The following SLC39A11 variants were observed in gnomAD, a reference collection of about 807,000 sequenced individuals.
SLC39A11 encodes solute carrier family 39 member 11.
In SLC39A11, 33 loss-of-function variants were observed where a neutral mutation model predicts 36.1. That is an observed-to-expected ratio of 0.91 (90% CI 0.69 to 1.22). The LOEUF is 1.22. Among genes scored for constraint, SLC39A11 ranks in the 50% most tolerant of loss-of-function variants. SLC39A11 has a pLI of 0.00. For synonymous variants in SLC39A11, 166 were observed against 170.3 expected (o/e 0.97, Z 0.20); for missense variants, 432 against 430.3 (o/e 1.00, Z -0.03).
At chr17:72,890,528 A>C (rs964733065) in intron 5 of SLC39A11, among the ~76,000 whole-genome samples, 1 of 152,122 alleles carries the variant, frequency 6.6e-6, no homozygotes, top group Non-Finnish European at 1.5e-5. Flanking sequence ...GTTCCATTCA[A>C]CTCTTCTGGG....
chr17:72,926,515 A>AT (rs149581126), intron 5 of SLC39A11, among the ~76,000 whole-genome samples: 15,273 of 152,054 alleles, frequency 0.1, 1,272 homozygotes, highest in African/African-American at 0.24. Context: ...GGGGGAAGAT[A>AT]TTTTTTCTGG....
At chr17:72,789,787 A>T (rs1300228550) in intron 6 of SLC39A11, among the ~76,000 whole-genome samples, 1 of 152,244 alleles carries the variant, frequency 6.6e-6, no homozygotes, top group Non-Finnish European at 1.5e-5. Context: ...CCAGGCCGAG[A>T]GTCAGGCCTT....
chr17:73,057,604 C>T (rs2059707824), intron 3 of SLC39A11, among the ~76,000 whole-genome samples: 2 of 152,226 alleles, frequency 1.3e-5, no homozygotes, highest in African/African-American at 4.8e-5. Context: ...CAGCCCTGTT[C>T]ATAATGGGTT....
rs369984929 is a variant in SLC39A11, at chr17:72,997,449, C to T, written c.306+34107G>A. Among the ~76,000 whole-genome samples the T allele has an allele frequency of 5.7e-4, 87 of 152,120 alleles. No homozygotes were observed. The South Asian group carries it at 0.016, about 28-fold the overall frequency. On this transcript the variant is annotated intron_variant, in intron 4 of 9. Transcript: ENST00000255559. ...TATATTTTTAATGGAGATGGGGTTT[C>T]GCCATGTTGGCCAGGCTGGTCTTGA... is the stretch of plus-strand genomic sequence containing the variant.
At chr17:72,914,009 G>GAAAA (rs112710441) in intron 5 of SLC39A11, among the ~76,000 whole-genome samples, 6 of 147,376 alleles carry the variant, frequency 4.1e-5, no homozygotes, top group African/African-American at 5.0e-5. Context: ...TAAAATAATT[G>GAAAA]AAAGAAAAAA....
At chr17:72,942,706 T>C (rs1366378776) in intron 5 of SLC39A11, among the ~76,000 whole-genome samples, 1 of 152,198 alleles carries the variant, frequency 6.6e-6, no homozygotes, top group African/African-American at 2.4e-5. Flanking sequence ...CTTAGGCTAT[T>C]CCAAGCAGTT....
chr17:73,020,453 A>G (rs2058303853), intron 4 of SLC39A11, among the ~76,000 whole-genome samples: 1 of 152,186 alleles, frequency 6.6e-6, no homozygotes, highest in Non-Finnish European at 1.5e-5. Context: ...TCTGTTCTTT[A>G]AGCCAGACTT....
intron 1 of SLC39A11, chr17:73,092,126 A>G (rs921264): frequency 0.81 from 123,254 of 151,840 alleles, 50,188 homozygotes; most frequent in African/African-American, 0.84. Flanking sequence ...CCTGGGAATT[A>G]GTTAGAAATG....
At chr17:73,038,909 G>T (rs371264201) in intron 3 of SLC39A11, among the ~76,000 whole-genome samples, 1 of 151,902 alleles carries the variant, frequency 6.6e-6, no homozygotes, top group Non-Finnish European at 1.5e-5. Context: ...CCTCACCTTG[G>T]CCTAAGCAGC....
chr17:72,826,271 T>G (rs1294777987), intron 6 of SLC39A11, among the ~76,000 whole-genome samples: 1 of 152,212 alleles, frequency 6.6e-6, no homozygotes, highest in Non-Finnish European at 1.5e-5. Flanking sequence ...TCTGGCCATG[T>G]AAGATGTGCC....
chr17:72,814,807 G>A (rs2077532966), intron 6 of SLC39A11, among the ~76,000 whole-genome samples: 1 of 152,194 alleles, frequency 6.6e-6, no homozygotes, highest in South Asian at 2.1e-4. Flanking sequence ...TCCATGAAGA[G>A]GCTCTGAAGA....
At chr17:72,911,634 C>A (rs1313453885) in intron 5 of SLC39A11, among the ~76,000 whole-genome samples, 1 of 152,072 alleles carries the variant, frequency 6.6e-6, no homozygotes, top group African/African-American at 2.4e-5. Flanking sequence ...TCTGTGAAGA[C>A]CACCCTGAGC....
At chr17:72,849,013 G>A (rs1383864401) in intron 6 of SLC39A11, among the ~76,000 whole-genome samples, 1 of 152,150 alleles carries the variant, frequency 6.6e-6, no homozygotes, top group Non-Finnish European at 1.5e-5. Context: ...TACATATAGT[G>A]TATGTTATAT....
intron 5 of SLC39A11, among the ~76,000 whole-genome samples, chr17:72,896,330 T>A (rs2082030084): frequency 6.7e-6 from 1 of 149,746 alleles, no homozygotes; most frequent in African/African-American, 2.5e-5. Context: ...ACCTCCTGAG[T>A]AACTGGGATT....
intron 4 of SLC39A11, among the ~76,000 whole-genome samples, chr17:72,988,267 A>G (rs2088909484): frequency 2.0e-5 from 3 of 152,234 alleles, no homozygotes; most frequent in Admixed American, 2.0e-4. Flanking sequence ...AGTCCGGCCA[A>G]CATGGTGAAA....
At chr17:72,746,187 G>C (rs1175330193) in intron 6 of SLC39A11, among the ~76,000 whole-genome samples, 1 of 152,166 alleles carries the variant, frequency 6.6e-6, no homozygotes, top group Non-Finnish European at 1.5e-5. Flanking sequence ...AGGAAGAACA[G>C]GGCAGGTAGC....
intron 7 of SLC39A11, among the ~76,000 whole-genome samples, chr17:72,675,578 C>T (rs1007677168): frequency 6.6e-6 from 1 of 152,198 alleles, no homozygotes; most frequent in Admixed American, 6.5e-5. Flanking sequence ...CCTTAGCTGC[C>T]AACAGGCTGA....
chr17:72,840,258 C>A (rs1598943818), intron 6 of SLC39A11, among the ~76,000 whole-genome samples: 1 of 152,344 alleles, frequency 6.6e-6, no homozygotes, highest in Middle Eastern at 3.4e-3. Flanking sequence ...CAGTGGTCCC[C>A]AGGCCTCTAT....
intron 5 of SLC39A11, among the ~76,000 whole-genome samples, chr17:72,917,032 G>T (rs1467850686): frequency 6.6e-6 from 1 of 152,212 alleles, no homozygotes; most frequent in Non-Finnish European, 1.5e-5. Flanking sequence ...GATTTACTGG[G>T]GGATGACCAC....
Sources: allele counts gnomAD v4.1 joint callset (sites outside exome capture counted in the v4.1 genomes callset), GRCh38; gene constraint gnomAD v4.1.1; transcripts MANE v1.5; gene names NCBI Gene and HGNC (gene_info 2026-07-23, HGNC 2026-07-21).